Variants in FAM135B observed in about 807,000 individuals in gnomAD.
FAM135B encodes protein FAM135B.
A neutral mutation model predicts 127.7 loss-of-function variants in FAM135B; 43 were observed. The observed-to-expected ratio is 0.34, with a 90% CI of 0.26 to 0.43. The LOEUF (loss-of-function observed/expected upper bound fraction) is 0.43. FAM135B is among the 20% of genes least tolerant of loss of function. The pLI, the probability that FAM135B is intolerant of heterozygous loss-of-function variation, is 1.00. For missense variants in FAM135B, 1,558 were observed against 1,725.6 expected (o/e 0.90, Z 1.72); for synonymous variants, 670 against 665.1 (o/e 1.01, Z -0.11).
intron 1 of FAM135B, among the ~76,000 whole-genome samples, chr8:138,478,028 G>A (rs1223206122): frequency 3.3e-5 from 5 of 152,142 alleles, no homozygotes; most frequent in Non-Finnish European, 7.3e-5. Flanking sequence ...TGTTGCACGA[G>A]AGAAATAAAA....
At chr8:138,203,041 G>A (rs1191722530) in intron 7 of FAM135B, among the ~76,000 whole-genome samples, 1 of 152,160 alleles carries the variant, frequency 6.6e-6, no homozygotes, top group Non-Finnish European at 1.5e-5. Context: ...AAATGCTTAT[G>A]GAGTGCTTTG....
At chr8:138,284,173 G>A (rs117624734) in intron 3 of FAM135B, among the ~76,000 whole-genome samples, 1 of 152,194 alleles carries the variant, frequency 6.6e-6, no homozygotes, top group East Asian at 1.9e-4. Flanking sequence ...CTAACCTCTT[G>A]CATACGGCAA....
intron 3 of FAM135B, among the ~76,000 whole-genome samples, chr8:138,269,018 A>G (rs1823166158): frequency 6.6e-6 from 1 of 152,208 alleles, no homozygotes; most frequent in African/African-American, 2.4e-5. Flanking sequence ...AGCAGAGAAA[A>G]GAGAATACAG....
intron 9 of FAM135B, among the ~76,000 whole-genome samples, chr8:138,193,473 C>T (rs59104895): frequency 0.042 from 6,466 of 152,194 alleles, 301 homozygotes; most frequent in African/African-American, 0.11. Context: ...CAAATAGTCA[C>T]GAATCAGCTC....
chr8:138,421,300 G>A (rs548559764), intron 1 of FAM135B, among the ~76,000 whole-genome samples: 305 of 152,156 alleles, frequency 2.0e-3, no homozygotes, highest in African/African-American at 7.0e-3. Flanking sequence ...GCAACAGAGC[G>A]AGACTCTGTC....
intron 1 of FAM135B, among the ~76,000 whole-genome samples, chr8:138,442,515 G>C (rs1835864967): frequency 6.6e-6 from 1 of 151,750 alleles, no homozygotes; most frequent in Non-Finnish European, 1.5e-5. Context: ...AGACCTCGCA[G>C]ATCTAGAGTT....
chr8:138,211,724 T>C (rs766264411), intron 7 of FAM135B, among the ~76,000 whole-genome samples: 1 of 152,182 alleles, frequency 6.6e-6, no homozygotes, highest in African/African-American at 2.4e-5. Flanking sequence ...GCTTATACCA[T>C]GGATGTATAT....
At chr8:138,305,852 G>C (rs113281154) in intron 3 of FAM135B, among the ~76,000 whole-genome samples, 12 of 152,040 alleles carry the variant, frequency 7.9e-5, no homozygotes, top group African/African-American at 2.9e-4. Flanking sequence ...ATATATACAT[G>C]TATATATTTA....
intron 1 of FAM135B, among the ~76,000 whole-genome samples, chr8:138,386,214 C>A (rs1158320954): frequency 2.1e-5 from 3 of 145,610 alleles, no homozygotes; most frequent in Non-Finnish European, 4.6e-5. Context: ...GAAACTCCAT[C>A]TCAAAAAAAC....
At chr8:138,259,627 C>G (rs1017691623) in intron 4 of FAM135B, among the ~76,000 whole-genome samples, 5 of 152,202 alleles carry the variant, frequency 3.3e-5, no homozygotes, top group Admixed American at 2.0e-4. Context: ...ATCCTGCACA[C>G]TGGTCACAAA....
rs1230101859 is a variant in FAM135B at position 138,328,935 on chromosome 8, C to T, written c.78-18015G>A. ...ATATACTGTATGTACTCAGAAAATG[C>T]ATGATGCCTAACTTATCCTTTTGGA... On this transcript the variant is annotated intron_variant, in intron 2 of 19. Transcript: ENST00000395297. Among the ~76,000 whole-genome samples, 4 of 152,198 alleles carry T rather than the reference C, an allele frequency of 2.6e-5. No individual in the cohort carries two copies. In the South Asian group the frequency reaches 6.2e-4, roughly 24 times the overall value.
intron 19 of FAM135B, among the ~76,000 whole-genome samples, chr8:138,134,577 T>C (rs1328519214): frequency 2.0e-5 from 3 of 152,168 alleles, no homozygotes; most frequent in Admixed American, 2.0e-4. Context: ...AGGGGCAAAT[T>C]ATCTACATGA....
rs373157097 is a variant in FAM135B at position 138,326,172 on chromosome 8, T to A, written c.78-15252A>T. Among the ~76,000 whole-genome samples, 20 of 152,288 alleles carry A rather than the reference T, an allele frequency of 1.3e-4. No homozygotes were observed. The East Asian group carries it at 3.1e-3, about 24-fold the overall frequency. On this transcript the variant is annotated intron_variant, in intron 2 of 19. Coordinates refer to ENST00000395297, the MANE Select transcript of FAM135B (RefSeq NM_015912.4). ...TGGGCTGATGGACCTGTTGTTCCTATCTAATGAGTCAGCCCAGATGGGGTT... is the reference window on the plus strand; with the variant it reads ...TGGGCTGATGGACCTGTTGTTCCTAACTAATGAGTCAGCCCAGATGGGGTT...
At chr8:138,317,953 C>G (rs139422690) in intron 2 of FAM135B, among the ~76,000 whole-genome samples, 21 of 152,354 alleles carry the variant, frequency 1.4e-4, no homozygotes, top group African/African-American at 4.8e-4. Flanking sequence ...GAAACATTGA[C>G]TGCGTGTTGC....
intron 5 of FAM135B, among the ~76,000 whole-genome samples, chr8:138,251,356 CTTT>C (rs1192311864): frequency 1.1e-4 from 17 of 152,256 alleles, no homozygotes; most frequent in African/African-American, 4.1e-4. Context: ...TTTTCCACTT[CTTT>C]ATCTCCCCAA....
At chr8:138,344,577 C>CTTT (rs869039075) in intron 2 of FAM135B, among the ~76,000 whole-genome samples, 3,724 of 83,792 alleles carry the variant, frequency 0.044, 203 homozygotes, top group African/African-American at 0.12. Context: ...TTCTTTCTTT[C>CTTT]TTTTTTTTTT....
At chr8:138,338,639 G>A (rs1270047245) in intron 2 of FAM135B, among the ~76,000 whole-genome samples, 1 of 150,854 alleles carries the variant, frequency 6.6e-6, no homozygotes, top group African/African-American at 2.4e-5. Flanking sequence ...TGGAGAAATA[G>A]GAACACTTTT....
chr8:138,489,004 T>C (rs1815100940), intron 1 of FAM135B, among the ~76,000 whole-genome samples: 1 of 152,168 alleles, frequency 6.6e-6, no homozygotes, highest in Admixed American at 6.5e-5. Context: ...GTAGCCCTTG[T>C]GGGTCTAAAG....
At chr8:138,332,391 T>C (rs1406701201) in intron 2 of FAM135B, among the ~76,000 whole-genome samples, 1 of 152,178 alleles carries the variant, frequency 6.6e-6, no homozygotes, top group African/African-American at 2.4e-5. Flanking sequence ...ATTACTTTAA[T>C]GGACACTGCA....
Sources: gnomAD v4.1 joint callset for allele counts (sites outside exome capture counted in the v4.1 genomes callset) on GRCh38, gnomAD v4.1.1 for gene constraint, MANE v1.5 for transcripts, NCBI Gene and HGNC (gene_info 2026-07-23, HGNC 2026-07-21) for gene names.